The following FMNL2 variants were observed in gnomAD, a reference collection of about 807,000 sequenced individuals.
FMNL2 encodes formin like 2.
In FMNL2, 51 loss-of-function variants were observed where a neutral mutation model predicts 130.2. The ratio of observed to expected loss-of-function variants is 0.39; its 90% confidence interval spans 0.31 to 0.49. The LOEUF (loss-of-function observed/expected upper bound fraction) is 0.49. Among genes scored for constraint, FMNL2 ranks in the 20% least tolerant of loss-of-function variants. The pLI is 0.85. For synonymous variants in FMNL2, 465 were observed against 467.1 expected (o/e 1.00, Z 0.06); for missense variants, 977 against 1,316.2 (o/e 0.74, Z 3.99).
chr2:152,492,440 A>G (rs1293954955), intron 1 of FMNL2, among the ~76,000 whole-genome samples: 2 of 152,112 alleles, frequency 1.3e-5, no homozygotes, highest in East Asian at 1.9e-4. Flanking sequence ...GGCTTTGTCA[A>G]CTCAGTTCTC....
chr2:152,419,104 T>C (rs1686772103), intron 1 of FMNL2, among the ~76,000 whole-genome samples: 1 of 152,162 alleles, frequency 6.6e-6, no homozygotes, highest in Admixed American at 6.6e-5. Context: ...TTTTTCATCC[T>C]TGATCAGTTA....
In FMNL2 at chr2:152,619,540, A is replaced by ACCG. The variant is rs781266426; in HGVS notation, c.1671_1673dup (p.Pro573dup). The ACCG allele has an allele frequency of 7.1e-6, 10 of 1,401,922 alleles. No homozygotes were observed. The African/African-American group carries it at 2.9e-4, about 40-fold the overall frequency. The allele number at this position is 1,401,922 out of a possible 1,614,324, so 86.8% of individuals were successfully genotyped here. A position where few individuals can be genotyped will look rare whatever the true frequency, so the allele number is the denominator to read the frequency against. On this transcript the variant is annotated inframe_insertion, in exon 15 of 26. Transcript: ENST00000288670. ...ATGGTCCAGTAACACCACCTATGCC[A>ACCG]CCGCCGCCGCCGCCCCCTCCTCCAC...
At chr2:152,509,087 T>A (rs528720065) in intron 1 of FMNL2, among the ~76,000 whole-genome samples, 1 of 152,318 alleles carries the variant, frequency 6.6e-6, no homozygotes, top group Non-Finnish European at 1.5e-5. Flanking sequence ...GACCACACAC[T>A]TGGGTAGCAC....
At chr2:152,337,009 A>G (rs897266274) in intron 1 of FMNL2, among the ~76,000 whole-genome samples, 4 of 152,170 alleles carry the variant, frequency 2.6e-5, no homozygotes, top group African/African-American at 9.7e-5. Flanking sequence ...CAGGCCTTGA[A>G]AAAGGAATGG....
In FMNL2 at chr2:152,375,871, C is replaced by A. The variant is rs1383014826; in HGVS notation, c.117+40151C>A. On this transcript the variant is annotated intron_variant, in intron 1 of 25. Transcript: ENST00000288670. The stretch of plus-strand genomic sequence containing the variant: ...TGAAGCTCTCTCTCTCTCTCTCTCT[C>A]TCTCTCTATATATATATATATATAT... 8.6e-3 allele frequency among the ~76,000 whole-genome samples: 987 copies of A among 114,418 alleles called. 7 individuals carry two copies. The highest frequency in any genetic ancestry group is 0.024 in the Middle Eastern group (6 of 248). The allele number at this position is 114,418 out of a possible 152,430, so 75.1% of individuals were successfully genotyped here.
intron 1 of FMNL2, among the ~76,000 whole-genome samples, chr2:152,372,577 A>G (rs1683948065): frequency 6.6e-6 from 1 of 152,054 alleles, no homozygotes; most frequent in Non-Finnish European, 1.5e-5. Flanking sequence ...GTGTTAATGG[A>G]GGGTTTTCAC....
intron 1 of FMNL2, among the ~76,000 whole-genome samples, chr2:152,386,737 G>C (rs1684803830): frequency 6.6e-6 from 1 of 152,096 alleles, no homozygotes; most frequent in Admixed American, 6.6e-5. Context: ...CATTGACCTG[G>C]ATAAACTCAG....
rs1238223264 is a variant in FMNL2, at chr2:152,632,052, C to T, written c.2595C>T (p.His865=). ...CAGACAGAAAGCAAACACTGTTGCA[C>T]TATATATCCAATGTGGTGAAAGAAA... The part of the protein sequence containing the change: ...KSTDRKQTLL[H]YISNVVKEKY... Residue 865 remains histidine (H), a synonymous_variant, in exon 21 of 26, where the codon CAC becomes CAT. Coordinates refer to ENST00000288670, the MANE Select transcript of FMNL2 (RefSeq NM_052905.4). The T allele has an allele frequency of 1.1e-5, 18 of 1,613,126 alleles. No individual in the cohort carries two copies. Among genetic ancestry groups the T allele is most frequent in the Non-Finnish European group, 1.4e-5 (17 of 1,179,554 alleles).
intron 9 of FMNL2, among the ~76,000 whole-genome samples, chr2:152,604,412 T>A (rs1580075309): frequency 6.6e-6 from 1 of 151,002 alleles, no homozygotes; most frequent in African/African-American, 2.4e-5. Context: ...TCCCTAGGAA[T>A]TGCTTTTGTT....
chr2:152,373,159 A>G (rs1460656238), intron 1 of FMNL2, among the ~76,000 whole-genome samples: 2 of 152,186 alleles, frequency 1.3e-5, no homozygotes, highest in Non-Finnish European at 2.9e-5. Context: ...AATTTTGCTA[A>G]AAATTGGTTA....
At chr2:152,399,517 C>A (rs2346199) in intron 1 of FMNL2, among the ~76,000 whole-genome samples, 143,521 of 152,192 alleles carry the variant, frequency 0.94, 67,881 homozygotes, top group East Asian at 1. Context: ...GGTGTTGGAC[C>A]CATGGAACCT....
At chr2:152,362,887 A>T (rs4274556) in intron 1 of FMNL2, among the ~76,000 whole-genome samples, 1 of 151,570 alleles carries the variant, frequency 6.6e-6, no homozygotes, top group African/African-American at 2.4e-5. Flanking sequence ...GCATGCTACA[A>T]CACGGTGAAT....
intron 1 of FMNL2, among the ~76,000 whole-genome samples, chr2:152,425,274 C>T (rs1687144186): frequency 6.6e-6 from 1 of 152,082 alleles, no homozygotes; most frequent in Non-Finnish European, 1.5e-5. Context: ...GGTAAGAGTG[C>T]TATGTGCTAT....
At chr2:152,550,150 G>A (rs1254240265) in intron 4 of FMNL2, among the ~76,000 whole-genome samples, 2 of 152,144 alleles carry the variant, frequency 1.3e-5, no homozygotes, top group Non-Finnish European at 2.9e-5. Context: ...TTGAGGTTAA[G>A]TAAGGACTTG....
chr2:152,447,277 A>C (rs1031001244), intron 1 of FMNL2, among the ~76,000 whole-genome samples: 1 of 152,008 alleles, frequency 6.6e-6, no homozygotes, highest in African/African-American at 2.4e-5. Context: ...ATTTTTAAAA[A>C]GTTTTTACAG....
At chr2:152,599,405 CT>C (rs35753197) in intron 9 of FMNL2, among the ~76,000 whole-genome samples, 3,211 of 44,282 alleles carry the variant, frequency 0.073, 27 homozygotes, top group South Asian at 0.11. Context: ...TGAAGGTCAT[CT>C]TTTTTTTTTT....
chr2:152,345,684 A>T (rs1233630796), intron 1 of FMNL2, among the ~76,000 whole-genome samples: 1 of 152,158 alleles, frequency 6.6e-6, no homozygotes, highest in African/African-American at 2.4e-5. Flanking sequence ...CTGCCTGGTG[A>T]ACCTAGGAAG....
chr2:152,558,617 C>T, intron 4 of FMNL2, 123 bp from the exon 5 acceptor site: 3 of 813,312 alleles, frequency 3.7e-6, no homozygotes, highest in Non-Finnish European at 5.9e-6. Context: ...AGGCCTTCCT[C>T]CCTATGTCCT....
At chr2:152,533,308 T>A (rs1394658691) in intron 2 of FMNL2, among the ~76,000 whole-genome samples, 5 of 152,190 alleles carry the variant, frequency 3.3e-5, no homozygotes, top group Admixed American at 3.3e-4. Context: ...TATCCATCCA[T>A]CCATGTATGC....
Sources: allele counts gnomAD v4.1 joint callset (sites outside exome capture counted in the v4.1 genomes callset), GRCh38; gene constraint gnomAD v4.1.1; transcripts MANE v1.5; gene names NCBI Gene and HGNC (gene_info 2026-07-23, HGNC 2026-07-21).